The following BCAS3 variants were observed in gnomAD, a reference collection of about 807,000 sequenced individuals.
The protein encoded by BCAS3 is BCAS3 microtubule associated cell migration factor, also known as BCAS4/BCAS3 fusion.
Under a neutral mutation model 116.1 loss-of-function variants are expected in BCAS3, and 53 were observed. The ratio of observed to expected loss-of-function variants is 0.46; its 90% CI spans 0.37 to 0.57. BCAS3 has a LOEUF of 0.57. BCAS3 is among the 20% of genes least tolerant of loss of function. The pLI is 0.00. For synonymous variants in BCAS3, 391 were observed against 408.2 expected, an observed-to-expected ratio of 0.96 and a Z score of 0.51; for missense variants, 917 against 1,165.4, an observed-to-expected ratio of 0.79 and a Z score of 3.10.
At position 61,331,682 on chromosome 17, in the gene BCAS3, G is replaced by C. The variant is rs139152175; in HGVS notation, c.2426-36645G>C. 4.5e-3 allele frequency among the ~76,000 whole-genome samples: 686 copies of C among 152,244 alleles called. 1 individual carries two copies. The highest frequency in any genetic ancestry group is 0.014 in the African/African-American group (598 of 41,540). ...TAAATGGAAGGAAAAAAAGAAAAAG[G>C]TTCAAATAATATAATCCTTCCTACA... On this transcript the variant is annotated intron_variant, in intron 22 of 23. Coordinates refer to ENST00000407086, the MANE Select transcript of BCAS3 (RefSeq NM_017679.5).
Position 60,989,948 on chromosome 17 carries a change from ATCTTT to A in BCAS3, c.1222-18_1222-14del. On this transcript the variant is annotated intron_variant, in intron 14 of 23. Transcript: ENST00000407086. The stretch of plus-strand genomic sequence containing the variant: ...TCCAAGTAGTTTGAGACATTTTTGT[ATCTTT>A]TCTTATCTCATTTCTAGGTACAGGA... 3.1e-6 allele frequency: 5 copies of A among 1,602,094 alleles called. No individual in the cohort carries two copies. The highest frequency in any genetic ancestry group is 4.3e-6 in the Non-Finnish European group (5 of 1,171,398).
Position 60,699,464 on chromosome 17 carries a change from G to T in BCAS3, c.214+9703G>T, listed in dbSNP as rs1020206202. Among the ~76,000 whole-genome samples, 7 of 152,044 alleles carry T rather than the reference G, an allele frequency of 4.6e-5. No homozygotes were observed. In the South Asian group the frequency reaches 1.2e-3, roughly 27 times the overall value. On this transcript the variant is annotated intron_variant, in intron 4 of 23. Transcript: ENST00000407086. The stretch of plus-strand genomic sequence containing the variant: ...TTGAACTTCTGACCTCAAGTGATCT[G>T]CCCACCTCAGCCTCCCAAAGTGTTG...
At chr17:60,691,744 C>G (rs993158914) in intron 4 of BCAS3, among the ~76,000 whole-genome samples, 2 of 150,850 alleles carry the variant, frequency 1.3e-5, no homozygotes, top group Non-Finnish European at 2.9e-5. Flanking sequence ...GAGCCACCAT[C>G]CACGATGAGA....
rs1438197931 is a variant in BCAS3, at chr17:60,756,840, A to G, written c.403+9561A>G. On this transcript the variant is annotated intron_variant, in intron 6 of 23. Transcript: ENST00000407086. ...TTTTAATTTTTTGATGAACCTCCATATTGTTTTCCACAGTGGTTATATCAG... is the reference window on the plus strand; with the variant it reads ...TTTTAATTTTTTGATGAACCTCCATGTTGTTTTCCACAGTGGTTATATCAG... Among the ~76,000 whole-genome samples, 3 of 152,066 alleles carry G rather than the reference A, an allele frequency of 2.0e-5. No individual in the cohort carries two copies. In the East Asian group the frequency reaches 5.8e-4, roughly 29 times the overall value.
chr17:61,373,450 CATT>C, intron 23 of BCAS3, among the ~76,000 whole-genome samples: 1 of 149,630 alleles, frequency 6.7e-6, no homozygotes, highest in Non-Finnish European at 1.5e-5. Context: ...CTACTGTTAA[CATT>C]TTTTTTTTCT....
chr17:61,158,726 A>T (rs1295971006), intron 22 of BCAS3, among the ~76,000 whole-genome samples: 1 of 152,194 alleles, frequency 6.6e-6, no homozygotes. Context: ...GCTCCGATAA[A>T]GGAATTTGAT....
intron 6 of BCAS3, among the ~76,000 whole-genome samples, chr17:60,769,889 T>G (rs2044488331): frequency 1.3e-5 from 2 of 151,934 alleles, no homozygotes; most frequent in African/African-American, 2.4e-5. Context: ...ATTCTCCCCA[T>G]TCAGCCTCCT....
At chr17:60,927,228 T>TC (rs2059406010) in intron 13 of BCAS3, among the ~76,000 whole-genome samples, 2 of 151,186 alleles carry the variant, frequency 1.3e-5, no homozygotes, top group Admixed American at 6.6e-5. Flanking sequence ...TTTATTTATT[T>TC]TTTTCTTTCT....
intron 9 of BCAS3, among the ~76,000 whole-genome samples, chr17:60,875,800 A>G (rs1018603932): frequency 5.9e-5 from 9 of 151,986 alleles, no homozygotes; most frequent in Non-Finnish European, 1.3e-4. Flanking sequence ...CTTTTCCTGT[A>G]AAGGCCATAA....
intron 22 of BCAS3, among the ~76,000 whole-genome samples, chr17:61,192,763 A>G (rs1264367601): frequency 6.6e-6 from 1 of 152,218 alleles, no homozygotes; most frequent in East Asian, 1.9e-4. Context: ...GTGATATGTA[A>G]GATTCAGAAT....
At chr17:61,096,458 G>C (rs778932195) in intron 22 of BCAS3, among the ~76,000 whole-genome samples, 2 of 152,212 alleles carry the variant, frequency 1.3e-5, no homozygotes, top group Non-Finnish European at 2.9e-5. Flanking sequence ...CTGGGAGGCT[G>C]AGGTGGGAGG....
chr17:60,737,637 C>A (rs1475856394), intron 5 of BCAS3, among the ~76,000 whole-genome samples: 1 of 151,930 alleles, frequency 6.6e-6, no homozygotes, highest in Non-Finnish European at 1.5e-5. Context: ...TTCTCTGGAG[C>A]TTTCTTCTTT....
intron 9 of BCAS3, among the ~76,000 whole-genome samples, chr17:60,875,132 T>C (rs1164091563): frequency 6.6e-6 from 1 of 152,158 alleles, no homozygotes; most frequent in African/African-American, 2.4e-5. Flanking sequence ...ATCTGTCATT[T>C]AACCAAAAGG....
intron 22 of BCAS3, among the ~76,000 whole-genome samples, chr17:61,216,516 G>GTTTAT (rs3032587): frequency 0.65 from 93,929 of 145,154 alleles, 31,512 homozygotes; most frequent in South Asian, 0.82. Context: ...ATAAGTATGT[G>GTTTAT]TTTATTTTAT....
At chr17:61,167,374 A>G (rs2078572577) in intron 22 of BCAS3, among the ~76,000 whole-genome samples, 1 of 152,234 alleles carries the variant, frequency 6.6e-6, no homozygotes, top group South Asian at 2.1e-4. Flanking sequence ...TACAGGCTTA[A>G]AATTATACAG....
chr17:60,894,078 C>T (rs1039516128), intron 10 of BCAS3, among the ~76,000 whole-genome samples: 2 of 151,790 alleles, frequency 1.3e-5, no homozygotes, highest in African/African-American at 4.8e-5. Context: ...TTTTTTGCTT[C>T]CCTATGAACT....
At chr17:60,751,591 G>C (rs2042470395) in intron 6 of BCAS3, among the ~76,000 whole-genome samples, 1 of 147,880 alleles carries the variant, frequency 6.8e-6, no homozygotes, top group African/African-American at 2.6e-5. Context: ...TGCCCAGGCT[G>C]GAGTGCAATG....
intron 5 of BCAS3, among the ~76,000 whole-genome samples, chr17:60,738,470 A>G (rs1207138762): frequency 6.6e-6 from 1 of 152,060 alleles, no homozygotes; most frequent in African/African-American, 2.4e-5. Flanking sequence ...TTTCCCTGAC[A>G]AGTTTCTTTG....
intron 22 of BCAS3, among the ~76,000 whole-genome samples, chr17:61,264,191 T>C (rs1361625535): frequency 6.6e-6 from 1 of 152,098 alleles, no homozygotes; most frequent in African/African-American, 2.4e-5. Context: ...AAATAAGCTC[T>C]ATTTAAATGT....
Sources: gnomAD v4.1 joint callset for allele counts (sites outside exome capture counted in the v4.1 genomes callset) on GRCh38, gnomAD v4.1.1 for gene constraint, MANE v1.5 for transcripts, NCBI Gene and HGNC (gene_info 2026-07-23, HGNC 2026-07-21) for gene names.